Variants in TTC7B observed in about 807,000 individuals in gnomAD.
TTC7B encodes the protein tetratricopeptide repeat protein 7B.
A neutral mutation model predicts 106.8 loss-of-function variants in TTC7B; 28 were observed. The observed-to-expected ratio is 0.26, with a 90% confidence interval of 0.19 to 0.36. The LOEUF (loss-of-function observed/expected upper bound fraction) is 0.36. TTC7B is among the 10% of genes least tolerant of loss of function. TTC7B has a pLI of 1.00. For missense variants in TTC7B, 862 were observed against 1,076.4 expected (o/e 0.80, Z 2.79); for synonymous variants, 405 against 430.6 (o/e 0.94, Z 0.74).
rs543598711 is a variant in TTC7B, at chr14:90,570,177, C to T, written c.2310+7929G>A. Reference sequence around the variant, plus strand: ...CCCACTTACAGCCTAGCAGGGCCTCCCTGAGGTCTGGCTTGTAATACACTG... The same window carrying T: ...CCCACTTACAGCCTAGCAGGGCCTCTCTGAGGTCTGGCTTGTAATACACTG... On this transcript the variant is annotated intron_variant, in intron 19 of 19. Coordinates refer to ENST00000328459, the MANE Select transcript of TTC7B (RefSeq NM_001010854.2). This position sits in a 1 kb window ranked among gnomAD's most constrained non-coding sequence, Gnocchi z 4.0. Among the ~76,000 whole-genome samples the T allele has an allele frequency of 3.3e-5, 5 of 152,350 alleles. No homozygotes were observed. Among genetic ancestry groups the T allele is most frequent in the Non-Finnish European group, 7.3e-5 (5 of 68,042 alleles).
At chr14:90,736,616 G>T (rs923982596) in intron 4 of TTC7B, among the ~76,000 whole-genome samples, 43 of 151,972 alleles carry the variant, frequency 2.8e-4, no homozygotes, top group African/African-American at 1.0e-3. Context: ...CAGGCTTGGT[G>T]GCTTATGCAT....
intron 6 of TTC7B, among the ~76,000 whole-genome samples, chr14:90,692,898 C>G (rs780198624): frequency 1.6e-4 from 25 of 152,064 alleles, no homozygotes; most frequent in Non-Finnish European, 2.9e-4. Context: ...CAACTGAGCT[C>G]TTGGTGGTGG....
intron 4 of TTC7B, among the ~76,000 whole-genome samples, chr14:90,737,546 G>GTTTTTTTTTT (rs71461922): frequency 1.3e-4 from 12 of 91,770 alleles, no homozygotes; most frequent in East Asian, 3.3e-4. Flanking sequence ...GTATGATTCT[G>GTTTTTTTTTT]TTTTTTTTTT....
chr14:90,674,138 T>C (rs1237677750), intron 9 of TTC7B, among the ~76,000 whole-genome samples: 1 of 151,926 alleles, frequency 6.6e-6, no homozygotes, highest in Non-Finnish European at 1.5e-5. Context: ...ATTAAAGTCC[T>C]GAGAAAATGG....
chr14:90,634,168 C>T (rs561285184), intron 15 of TTC7B, among the ~76,000 whole-genome samples: 11 of 152,240 alleles, frequency 7.2e-5, no homozygotes, highest in South Asian at 2.1e-4. Context: ...TGAGCCACCG[C>T]GCCTGGCCCA....
chr14:90,626,649 T>C (rs1884455468), intron 15 of TTC7B, among the ~76,000 whole-genome samples: 1 of 152,186 alleles, frequency 6.6e-6, no homozygotes, highest in Non-Finnish European at 1.5e-5. Flanking sequence ...AAATTCAAAC[T>C]TTTTTGAAAC....
chr14:90,664,946 C>A (rs953295678), intron 9 of TTC7B, among the ~76,000 whole-genome samples: 3 of 152,162 alleles, frequency 2.0e-5, no homozygotes, highest in Non-Finnish European at 4.4e-5. Flanking sequence ...AGAATGAGAA[C>A]CCCTGGGAAT....
intron 3 of TTC7B, among the ~76,000 whole-genome samples, chr14:90,765,452 G>A (rs1890643772): frequency 6.6e-6 from 1 of 152,166 alleles, no homozygotes; most frequent in African/African-American, 2.4e-5. Context: ...TTAAAGGGTT[G>A]AATTGTATGG....
chr14:90,814,841 C>G (rs1329917866), intron 1 of TTC7B, among the ~76,000 whole-genome samples: 1 of 152,198 alleles, frequency 6.6e-6, no homozygotes, highest in Non-Finnish European at 1.5e-5. Flanking sequence ...CATTTTCCAC[C>G]AAGTGGAGCC....
chr14:90,781,847 CT>C (rs1891229490), intron 2 of TTC7B, among the ~76,000 whole-genome samples: 1 of 152,202 alleles, frequency 6.6e-6, no homozygotes. Flanking sequence ...GCCAGTCCCC[CT>C]CTCCCCAAAG....
intron 15 of TTC7B, among the ~76,000 whole-genome samples, chr14:90,633,779 A>C (rs758654088): frequency 1.3e-5 from 2 of 152,226 alleles, no homozygotes; most frequent in Non-Finnish European, 2.9e-5. Context: ...ATGAAAAATC[A>C]GGGCTCTTGT....
chr14:90,803,922 G>A (rs1221937217), intron 1 of TTC7B, among the ~76,000 whole-genome samples: 1 of 152,054 alleles, frequency 6.6e-6, no homozygotes, highest in East Asian at 1.9e-4. Flanking sequence ...AGCCCAGCAG[G>A]GCAGGAAGTG....
chr14:90,537,970 A>ATGAG lies in TTC7B; in HGVS notation c.*3397_*3398insCTCA, dbSNP rs1432942837. ...GATGAATGAATGAGTGAATGAATGA[A>ATGAG]TGAAATTTCACAGATGGGGAGACTA... On this transcript the variant is annotated 3_prime_UTR_variant, in exon 20 of 20. Coordinates refer to ENST00000328459, the MANE Select transcript of TTC7B (RefSeq NM_001010854.2). 6.6e-6 allele frequency: 1 copy of ATGAG among 152,246 alleles called. No individual in the cohort carries two copies. The highest frequency in any genetic ancestry group is 1.5e-5 in the Non-Finnish European group (1 of 68,050). The allele number at this position is 152,246 out of a possible 1,614,324, so 9.4% of individuals were successfully genotyped here. A position where few individuals can be genotyped will look rare whatever the true frequency, so the allele number is the denominator to read the frequency against.
Position 90,570,588 on chromosome 14 carries a change from C to T in TTC7B, c.2310+7518G>A, listed in dbSNP as rs1466054884. Reference sequence around the variant, plus strand: ...GAAGCATCGTGCTCGCGGCCGACCACGCACCGAGATATATTCTCATTTCGG... The same window carrying T: ...GAAGCATCGTGCTCGCGGCCGACCATGCACCGAGATATATTCTCATTTCGG... On this transcript the variant is annotated intron_variant, in intron 19 of 19. Coordinates refer to ENST00000328459, the MANE Select transcript of TTC7B (RefSeq NM_001010854.2). This position sits in a 1 kb window ranked among gnomAD's most constrained non-coding sequence, Gnocchi z 4.0. 2.6e-5 allele frequency among the ~76,000 whole-genome samples: 4 copies of T among 152,110 alleles called. No individual in the cohort carries two copies. The highest frequency in any genetic ancestry group is 1.9e-4 in the East Asian group (1 of 5,156).
chr14:90,737,832 T>C (rs574540796), intron 4 of TTC7B, among the ~76,000 whole-genome samples: 1 of 152,258 alleles, frequency 6.6e-6, no homozygotes, highest in Admixed American at 6.5e-5. Context: ...GCTAGGATTA[T>C]AGGCGTGAGC....
chr14:90,651,390 G>A (rs1465822737), intron 13 of TTC7B, among the ~76,000 whole-genome samples: 1 of 152,102 alleles, frequency 6.6e-6, no homozygotes, highest in South Asian at 2.1e-4. Context: ...TTAAACTTAA[G>A]CAAAAGATGA....
intron 5 of TTC7B, among the ~76,000 whole-genome samples, chr14:90,702,737 C>A (rs551716585): frequency 1.3e-5 from 2 of 152,190 alleles, no homozygotes; most frequent in Non-Finnish European, 2.9e-5. Context: ...CTCACAATGA[C>A]AAAAGACAAC....
At position 90,744,816 on chromosome 14, in the gene TTC7B, G is replaced by A. The variant is rs757299428; in HGVS notation, c.552C>T (p.Leu184=). 1.9e-6 allele frequency: 3 copies of A among 1,614,070 alleles called. No homozygotes were observed. Among genetic ancestry groups the A allele is most frequent in the Non-Finnish European group, 2.5e-6 (3 of 1,179,994 alleles). The change falls in exon 4 of 20, where the codon CTC becomes CTT. Residue 184 remains leucine (L), a synonymous_variant. Transcript: ENST00000328459. ...TCYEKAGDIA[L]LYLQEIERVI... ...CCCTTTCTATCTCTTGGAGATACAG[G>A]AGTGCGATGTCCCCTGCTTTCTCAT...
chr14:90,580,221 G>C (rs1239798731), intron 18 of TTC7B, among the ~76,000 whole-genome samples: 1 of 152,250 alleles, frequency 6.6e-6, no homozygotes, highest in Non-Finnish European at 1.5e-5. Context: ...AGAGCTCACT[G>C]AATCGCTGAA....
Sources: allele counts gnomAD v4.1 joint callset (sites outside exome capture counted in the v4.1 genomes callset), GRCh38; gene constraint gnomAD v4.1.1; non-coding constraint Gnocchi (gnomAD v3.1); transcripts MANE v1.5; gene names NCBI Gene and HGNC (gene_info 2026-07-23, HGNC 2026-07-21).